Variants in ANKRD30BL observed in about 807,000 individuals in gnomAD.
ANKRD30BL encodes the protein putative ankyrin repeat domain-containing protein 30B-like.
In ANKRD30BL, 20 loss-of-function variants were observed where a neutral mutation model predicts 18.4. That is an observed-to-expected ratio of 1.09 (90% confidence interval 0.77 to 1.58). The LOEUF (loss-of-function observed/expected upper bound fraction) is 1.58, where lower values mean the gene tolerates loss of function less well. Among genes scored for constraint, ANKRD30BL ranks in the 40% most tolerant of loss-of-function variants. ANKRD30BL has a pLI of 0.00. For missense variants in ANKRD30BL, 224 were observed against 268.6 expected (o/e 0.83, Z 1.16); for synonymous variants, 72 against 100.9 (o/e 0.71, Z 1.72).
At chr2:132,227,184 C>T (rs1679871426) in intron 1 of ANKRD30BL, among the ~76,000 whole-genome samples, 1 of 152,026 alleles carries the variant, frequency 6.6e-6, no homozygotes, top group African/African-American at 2.4e-5. Context: ...GCTTTGAGGC[C>T]TTCGTTGGAA....
At chr2:132,176,936 T>C (rs1310666007) in intron 1 of ANKRD30BL, among the ~76,000 whole-genome samples, 1 of 152,216 alleles carries the variant, frequency 6.6e-6, no homozygotes, top group Non-Finnish European at 1.5e-5. Context: ...TTGTTTACAT[T>C]ACTAAGGTCT....
At chr2:132,184,561 C>A (rs1342316028) in intron 1 of ANKRD30BL, among the ~76,000 whole-genome samples, 1 of 152,292 alleles carries the variant, frequency 6.6e-6, no homozygotes, top group Non-Finnish European at 1.5e-5. Context: ...TGGATTAATT[C>A]TGAACTGCAA....
At chr2:132,185,484 C>A (rs917613077) in intron 1 of ANKRD30BL, among the ~76,000 whole-genome samples, 1 of 152,140 alleles carries the variant, frequency 6.6e-6, no homozygotes, top group Non-Finnish European at 1.5e-5. Flanking sequence ...GGAAAGAAAG[C>A]AAAAGTCTTC....
chr2:132,214,358 G>A (rs1008354104), intron 1 of ANKRD30BL, among the ~76,000 whole-genome samples: 3 of 151,888 alleles, frequency 2.0e-5, no homozygotes, highest in Non-Finnish European at 4.4e-5. Context: ...GAGGCATTCT[G>A]AGAAACTTGT....
Position 132,255,917 on chromosome 2 carries a change from G to A in ANKRD30BL, n.441+1612C>T, listed in dbSNP as rs528036668. Among the ~76,000 whole-genome samples, 342 of 152,214 alleles carry A rather than the reference G, an allele frequency of 2.2e-3. 1 individual carries two copies. Among genetic ancestry groups the A allele is most frequent in the African/African-American group, 7.4e-3 (307 of 41,550 alleles). ...GTTATCCAGAAGCACCAAAGCTGGC[G>A]GCACCCGACCCCCCGGCCGGGGACG... On this transcript the variant is annotated intron_variant and non_coding_transcript_variant, in intron 1 of 4. Coordinates refer to the ANKRD30BL transcript ENST00000470729.
chr2:132,198,299 TCTTTCTTTCTTTCTTTC>T (rs1679010923), intron 1 of ANKRD30BL, among the ~76,000 whole-genome samples: 16 of 12,774 alleles, frequency 1.3e-3, no homozygotes, highest in African/African-American at 2.6e-3. Context: ...TTTCTTTCTT[TCTTTCTTTCTTTCTTTC>T]TTTCTTTCTT....
Position 132,242,806 on chromosome 2 carries a change from T to C in ANKRD30BL, n.441+14723A>G, listed in dbSNP as rs560536739. On this transcript the variant is annotated intron_variant and non_coding_transcript_variant, in intron 1 of 4. Transcript: ENST00000470729. The stretch of plus-strand genomic sequence containing the variant: ...GAACCTTTCTTTTGATACACAACTT[T>C]TGAAACACTCTTTTTGTAGAATCTG... Among the ~76,000 whole-genome samples the C allele has an allele frequency of 8.2e-3, 1,244 of 151,886 alleles. 14 individuals are homozygous for C. The highest frequency in any genetic ancestry group is 0.028 in the African/African-American group (1,159 of 41,528).
upstream of ANKRD30BL, among the ~76,000 whole-genome samples, chr2:132,164,119 C>A (rs1688142764): frequency 6.6e-6 from 1 of 152,106 alleles, no homozygotes; most frequent in Non-Finnish European, 1.5e-5. Context: ...GCTTAACTGT[C>A]TAGTTCCAAT....
At chr2:132,155,512 T>C (rs563862435) in intron 3 of ANKRD30BL, 1 of 152,260 alleles carries the variant, frequency 6.6e-6, no homozygotes, top group South Asian at 2.1e-4. Context: ...TTAAAAGAGA[T>C]TGGCTTCAAA....
chr2:132,158,852 G>C (rs1351555342), intron 1 of ANKRD30BL, among the ~76,000 whole-genome samples: 1 of 151,232 alleles, frequency 6.6e-6, no homozygotes, highest in African/African-American at 2.4e-5. Context: ...ACAAGCACAG[G>C]TAAAAAGATT....
chr2:132,219,764 C>G (rs200901523), intron 1 of ANKRD30BL, among the ~76,000 whole-genome samples: 62 of 149,308 alleles, frequency 4.2e-4, no homozygotes, highest in African/African-American at 1.4e-3. Context: ...AACACTCTTT[C>G]TGTAGAATCT....
intron 1 of ANKRD30BL, chr2:132,253,200 G>A (rs1219426332): frequency 1.9e-5 from 4 of 207,250 alleles, no homozygotes; most frequent in Non-Finnish European, 2.1e-5. Context: ...GGCCGCAAGT[G>A]CATTCGAAGA....
chr2:132,235,744 A>G lies in ANKRD30BL; in HGVS notation n.441+21785T>C, dbSNP rs201150259. Among the ~76,000 whole-genome samples, 9 of 152,160 alleles carry G rather than the reference A, an allele frequency of 5.9e-5. No homozygotes were observed. In the South Asian group the frequency reaches 6.2e-4, roughly 11 times the overall value. ...CTCATGGGTAGGAAGAATCAATATC[A>G]TGAAAATGGCCATACTGCCCAAGGT... is the stretch of plus-strand genomic sequence containing the variant. On this transcript the variant is annotated intron_variant and non_coding_transcript_variant, in intron 1 of 4. Transcript: ENST00000470729.
intron 1 of ANKRD30BL, among the ~76,000 whole-genome samples, chr2:132,173,410 C>T (rs960356946): frequency 1.1e-4 from 16 of 151,620 alleles, no homozygotes; most frequent in African/African-American, 3.9e-4. Context: ...TGCCATTCTC[C>T]TACCTCAGCA....
intron 1 of ANKRD30BL, among the ~76,000 whole-genome samples, chr2:132,253,530 C>T (rs578171489): frequency 2.3e-4 from 35 of 152,230 alleles, no homozygotes; most frequent in Non-Finnish European, 4.9e-4. Context: ...CCCCACAGAG[C>T]GGGGTACAGG....
At chr2:132,257,504 G>T (rs1680894273) in intron 1 of ANKRD30BL, 1 of 262,956 alleles carries the variant, frequency 3.8e-6, no homozygotes, top group Non-Finnish European at 7.4e-6. Flanking sequence ...GGAGGCTGGC[G>T]GAACCCTTGC....
intron 1 of ANKRD30BL, among the ~76,000 whole-genome samples, chr2:132,208,725 A>G (rs1400725506): frequency 6.6e-6 from 1 of 151,408 alleles, no homozygotes; most frequent in African/African-American, 2.4e-5. Context: ...TGGATTTTAA[A>G]TGTGTGCCCT....
chr2:132,165,268 T>C (rs1417619517), upstream of ANKRD30BL, among the ~76,000 whole-genome samples: 1 of 152,090 alleles, frequency 6.6e-6, no homozygotes, highest in Non-Finnish European at 1.5e-5. Context: ...TTTTTTTTTT[T>C]TTCCATTCAT....
intron 1 of ANKRD30BL, among the ~76,000 whole-genome samples, chr2:132,248,159 A>G (rs1484279134): frequency 6.6e-6 from 1 of 152,174 alleles, no homozygotes; most frequent in African/African-American, 2.4e-5. Flanking sequence ...AGATTGTACA[A>G]AAAGACAGTT....
Sources: gnomAD v4.1 joint callset for allele counts (sites outside exome capture counted in the v4.1 genomes callset) on GRCh38, gnomAD v4.1.1 for gene constraint, MANE v1.5 for transcripts, NCBI Gene and HGNC (gene_info 2026-07-23, HGNC 2026-07-21) for gene names.